The following ADAMTSL3 variants were observed in gnomAD, a reference collection of about 807,000 sequenced individuals.
ADAMTSL3 encodes ADAMTS-like protein 3.
In ADAMTSL3, 128 loss-of-function variants were observed where a neutral mutation model predicts 201.7. The ratio of observed to expected loss-of-function variants is 0.63; its 90% confidence interval spans 0.55 to 0.73. The LOEUF is 0.73. Among genes scored for constraint, ADAMTSL3 ranks in the 30% least tolerant of loss-of-function variants. The pLI is 0.00. For missense variants in ADAMTSL3, 1,990 were observed against 2,119.6 expected (o/e 0.94, Z 1.20); for synonymous variants, 738 against 748.4 (o/e 0.99, Z 0.23).
chr15:83,694,595 G>C (rs1171939063), intron 2 of ADAMTSL3, among the ~76,000 whole-genome samples: 4 of 152,138 alleles, frequency 2.6e-5, no homozygotes, highest in Non-Finnish European at 4.4e-5. Flanking sequence ...TGGGGGGCGG[G>C]CTCTAGGGAA....
At position 83,983,011 on chromosome 15, in the gene ADAMTSL3, T is replaced by C. The variant is rs1263462107; in HGVS notation, c.3383T>C (p.Leu1128Ser). 1.9e-6 allele frequency: 3 copies of C among 1,614,096 alleles called. No homozygotes were observed. The highest frequency in any genetic ancestry group is 1.6e-4 in the Middle Eastern group (1 of 6,062). ...CTGATATATCAGCTGGTGGCCGAAT[T>C]AGCCAAGGCACAGCCAACACACATG... ...SQLIYQLVAE[L>S]AKAQPTHMQW... is the part of the protein sequence containing the mutation. The change falls in exon 21 of 30, where the codon TTA becomes TCA. Residue 1128 changes from leucine to serine, a missense_variant. Coordinates refer to ENST00000286744, the MANE Select transcript of ADAMTSL3 (RefSeq NM_207517.3).
At chr15:83,765,679 A>G (rs118090605) in intron 3 of ADAMTSL3, among the ~76,000 whole-genome samples, 411 of 152,328 alleles carry the variant, frequency 2.7e-3, no homozygotes, top group Non-Finnish European at 3.9e-3. Flanking sequence ...CAACCCTATT[A>G]TATAATGAGT....
intron 4 of ADAMTSL3, among the ~76,000 whole-genome samples, chr15:83,780,388 C>A (rs865818457): frequency 1.4e-5 from 2 of 145,538 alleles, no homozygotes; most frequent in Admixed American, 6.9e-5. Context: ...GCAGCCTGGG[C>A]GACAAGAGTG....
intron 8 of ADAMTSL3, among the ~76,000 whole-genome samples, chr15:83,863,990 A>C (rs762757551): frequency 7.2e-5 from 11 of 152,132 alleles, no homozygotes; most frequent in South Asian, 4.2e-4. Flanking sequence ...AACACCTCTA[A>C]GCAAATAAAC....
At chr15:84,009,272 C>T (rs1371579271) in intron 23 of ADAMTSL3, among the ~76,000 whole-genome samples, 3 of 152,170 alleles carry the variant, frequency 2.0e-5, no homozygotes, top group Non-Finnish European at 4.4e-5. Flanking sequence ...TTTCCTGGCT[C>T]ACATCCCTGC....
At chr15:83,970,909 C>T (rs2142124677) in intron 20 of ADAMTSL3, among the ~76,000 whole-genome samples, 1 of 152,336 alleles carries the variant, frequency 6.6e-6, no homozygotes, top group Non-Finnish European at 1.5e-5. Flanking sequence ...ACCATAATTC[C>T]TTCTGCTTAG....
intron 7 of ADAMTSL3, 96 bp downstream of exon 7, chr15:83,838,311 A>G (rs1162287280): frequency 1.4e-6 from 2 of 1,437,766 alleles, no homozygotes; most frequent in African/African-American, 2.9e-5. Flanking sequence ...AAGCTTTTTT[A>G]GTTGGAAGTA....
At chr15:83,742,838 C>G (rs1219155018) in intron 3 of ADAMTSL3, among the ~76,000 whole-genome samples, 1 of 152,116 alleles carries the variant, frequency 6.6e-6, no homozygotes, top group Non-Finnish European at 1.5e-5. Flanking sequence ...GTAGATCTGA[C>G]TTCAGCTTGG....
intron 28 of ADAMTSL3, among the ~76,000 whole-genome samples, chr15:84,034,371 C>T (rs924930252): frequency 2.0e-5 from 3 of 152,152 alleles, no homozygotes; most frequent in Non-Finnish European, 4.4e-5. Context: ...GCATTAGTGG[C>T]GTGGGCAGAG....
chr15:83,845,682 C>T (rs2064483420), intron 7 of ADAMTSL3, among the ~76,000 whole-genome samples: 1 of 152,068 alleles, frequency 6.6e-6, no homozygotes, highest in Admixed American at 6.6e-5. Flanking sequence ...AGAAAGAAGT[C>T]CCAGGAACTT....
intron 3 of ADAMTSL3, among the ~76,000 whole-genome samples, chr15:83,744,772 T>G (rs1255898150): frequency 6.6e-6 from 1 of 152,240 alleles, no homozygotes; most frequent in Non-Finnish European, 1.5e-5. Flanking sequence ...AGCATTAATT[T>G]TCAGTCAGTG....
chr15:83,843,694 C>T (rs567435111), intron 7 of ADAMTSL3, among the ~76,000 whole-genome samples: 67 of 152,318 alleles, frequency 4.4e-4, no homozygotes, highest in African/African-American at 1.6e-3. Context: ...CCCTGGGACT[C>T]ACCCTGAGTC....
intron 3 of ADAMTSL3, among the ~76,000 whole-genome samples, chr15:83,755,760 T>C (rs2062709647): frequency 7.1e-6 from 1 of 141,772 alleles, no homozygotes; most frequent in East Asian, 2.2e-4. Context: ...CTGCTTTCAA[T>C]TTTTTTTTTT....
chr15:83,905,914 T>G (rs932315907), intron 15 of ADAMTSL3, among the ~76,000 whole-genome samples: 1 of 152,102 alleles, frequency 6.6e-6, no homozygotes, highest in Non-Finnish European at 1.5e-5. Context: ...TTTTAAATGT[T>G]ATTTTGTAGT....
chr15:83,755,124 A>G (rs1004952851), intron 3 of ADAMTSL3, among the ~76,000 whole-genome samples: 9 of 152,236 alleles, frequency 5.9e-5, no homozygotes, highest in Non-Finnish European at 7.4e-5. Flanking sequence ...ATTTTGAATC[A>G]TTTCCTAGCT....
At chr15:83,923,798 CA>C in intron 16 of ADAMTSL3, 105 bp from the exon 17 acceptor site, 1 of 1,352,388 alleles carries the variant, frequency 7.4e-7, no homozygotes. Context: ...CTATGATAGT[CA>C]AAAGGGCAGT....
At chr15:83,830,716 AT>A (rs1309550412) in intron 6 of ADAMTSL3, among the ~76,000 whole-genome samples, 18 of 152,200 alleles carry the variant, frequency 1.2e-4, no homozygotes, top group African/African-American at 4.1e-4. Flanking sequence ...GAAGTTTAAA[AT>A]CAGGGTATCA....
At chr15:83,783,031 T>C (rs988696415) in intron 4 of ADAMTSL3, among the ~76,000 whole-genome samples, 2 of 147,346 alleles carry the variant, frequency 1.4e-5, no homozygotes, top group African/African-American at 2.5e-5. Context: ...ACGTATATAT[T>C]ATATATATAT....
At chr15:83,697,937 A>G (rs1195163113) in intron 2 of ADAMTSL3, among the ~76,000 whole-genome samples, 1 of 152,096 alleles carries the variant, frequency 6.6e-6, no homozygotes, top group Non-Finnish European at 1.5e-5. Context: ...GGGGTCCACC[A>G]AGAGTAACCT....
Sources: allele counts gnomAD v4.1 joint callset (sites outside exome capture counted in the v4.1 genomes callset), GRCh38; gene constraint gnomAD v4.1.1; transcripts MANE v1.5; gene names NCBI Gene and HGNC (gene_info 2026-07-23, HGNC 2026-07-21).